SCEL: variants seen among roughly 807,000 people sequenced by gnomAD.
The protein encoded by SCEL is sciellin.
Under a neutral mutation model 117.6 loss-of-function variants are expected in SCEL, and 113 were observed. That is an observed-to-expected ratio of 0.96 (90% CI 0.83 to 1.12). The LOEUF is 1.12. Ranked by LOEUF, SCEL falls within the 50% of genes most tolerant of loss-of-function variation. SCEL has a pLI of 0.00. For synonymous variants in SCEL, 270 were observed against 256.2 expected, an observed-to-expected ratio of 1.05 and a Z score of -0.51; for missense variants, 785 against 810.8, an observed-to-expected ratio of 0.97 and a Z score of 0.39.
At chr13:77,575,177 A>G (rs2085868271) in intron 9 of SCEL, among the ~76,000 whole-genome samples, 1 of 152,222 alleles carries the variant, frequency 6.6e-6, no homozygotes, top group African/African-American at 2.4e-5. Flanking sequence ...AGTTCAGATT[A>G]AAAACTTGTG....
At chr13:77,539,292 A>G (rs945223931) in intron 1 of SCEL, among the ~76,000 whole-genome samples, 1 of 150,966 alleles carries the variant, frequency 6.6e-6, no homozygotes, top group Non-Finnish European at 1.5e-5. Context: ...TAATATACAT[A>G]GCATATTACA....
At chr13:77,579,529 T>C (rs1368912437) in intron 9 of SCEL, among the ~76,000 whole-genome samples, 2 of 152,234 alleles carry the variant, frequency 1.3e-5, no homozygotes, top group African/African-American at 2.4e-5. Context: ...CTCTTTCTTT[T>C]TCCAAAACAA....
At chr13:77,547,636 G>A (rs1807758872) in intron 1 of SCEL, among the ~76,000 whole-genome samples, 1 of 152,160 alleles carries the variant, frequency 6.6e-6, no homozygotes, top group African/African-American at 2.4e-5. Context: ...AGAAATTCCT[G>A]CAAAGAGCTC....
rs200111517 is a variant in SCEL, at chr13:77,559,835, C to A, written c.193C>A (p.Arg65=). Residue 65 remains arginine, a synonymous_variant, in exon 4 of 33, where the codon CGA becomes AGA. Coordinates refer to ENST00000349847, the MANE Select transcript of SCEL (RefSeq NM_144777.3). ...DENYGRVVLN[R]HNSHDALDRK... ...AAATTACGGTAGGGTGGTGCTCAACCGACATAATTCCCATGATGCATTGGA... is the reference window on the plus strand; with the variant it reads ...AAATTACGGTAGGGTGGTGCTCAACAGACATAATTCCCATGATGCATTGGA... The A allele has an allele frequency of 3.7e-6, 6 of 1,613,596 alleles. No individual in the cohort carries two copies. The highest frequency in any genetic ancestry group is 5.1e-6 in the Non-Finnish European group (6 of 1,179,784).
chr13:77,601,591 A>G (rs1019470910), intron 15 of SCEL, among the ~76,000 whole-genome samples: 6 of 152,214 alleles, frequency 3.9e-5, no homozygotes, highest in Admixed American at 3.3e-4. Context: ...TTTTGACTTT[A>G]CCAAGGTGAC....
intron 18 of SCEL, among the ~76,000 whole-genome samples, chr13:77,604,096 T>C (rs1026861157): frequency 6.6e-6 from 1 of 152,182 alleles, no homozygotes; most frequent in African/African-American, 2.4e-5. Context: ...GTTGATTTTG[T>C]TAAATAACAA....
At chr13:77,616,629 C>T (rs981660602) in intron 24 of SCEL, among the ~76,000 whole-genome samples, 1 of 151,808 alleles carries the variant, frequency 6.6e-6, no homozygotes, top group African/African-American at 2.4e-5. Flanking sequence ...CTAAATGAAG[C>T]CCTGAACATT....
chr13:77,596,729 G>T (rs531878619), intron 12 of SCEL, among the ~76,000 whole-genome samples: 2 of 148,474 alleles, frequency 1.3e-5, no homozygotes, highest in South Asian at 2.1e-4. Context: ...GTGTGGTCGG[G>T]GGTAGGTCAT....
intron 20 of SCEL, 57 bp downstream of exon 20, chr13:77,608,172 A>G: frequency 7.4e-7 from 1 of 1,357,806 alleles, no homozygotes; most frequent in African/African-American, 1.4e-5. Context: ...TGTGGCACTC[A>G]GGAAAGAAGA....
At chr13:77,552,431 T>G (rs2084388529) in intron 1 of SCEL, among the ~76,000 whole-genome samples, 1 of 152,068 alleles carries the variant, frequency 6.6e-6, no homozygotes, top group African/African-American at 2.4e-5. Flanking sequence ...TGATTTGCAT[T>G]TCTCTGATGG....
chr13:77,629,188 A>G (rs2154405858), intron 28 of SCEL, among the ~76,000 whole-genome samples: 1 of 152,308 alleles, frequency 6.6e-6, no homozygotes, highest in East Asian at 1.9e-4. Context: ...GCCGGGCCTC[A>G]GAGAGATTTC....
chr13:77,551,159 T>C (rs2065611860), intron 1 of SCEL, among the ~76,000 whole-genome samples: 1 of 152,164 alleles, frequency 6.6e-6, no homozygotes, highest in South Asian at 2.1e-4. Context: ...TTGCATCCTC[T>C]CTCTGAGCTC....
At chr13:77,554,754 T>C (rs1381955059) in intron 1 of SCEL, among the ~76,000 whole-genome samples, 1 of 152,182 alleles carries the variant, frequency 6.6e-6, no homozygotes, top group Non-Finnish European at 1.5e-5. Context: ...TTCTCAGACG[T>C]TGAACGTGAT....
At chr13:77,543,698 G>A (rs886760791) in intron 1 of SCEL, among the ~76,000 whole-genome samples, 10 of 152,112 alleles carry the variant, frequency 6.6e-5, no homozygotes, top group African/African-American at 2.4e-4. Context: ...CTTGGTATTT[G>A]GTTTTCTGTT....
At chr13:77,551,856 C>A (rs2084349513) in intron 1 of SCEL, among the ~76,000 whole-genome samples, 1 of 118,598 alleles carries the variant, frequency 8.4e-6, no homozygotes, top group South Asian at 3.5e-4. Context: ...CCCCCCACCC[C>A]ACAACAGTCC....
In SCEL at chr13:77,567,688, A is replaced by C. The variant is rs1180967473; in HGVS notation, c.299A>C (p.Asp100Ala). ...CTTGTTTCTTTATAAAGGATCTCAG[A>C]CAGAAATGATGCTGCTAAAACATAT... ...SSDDTLDRIS[D>A]RNDAAKTYKA... is the part of the protein sequence containing the mutation. The change falls in exon 6 of 33, where the codon GAC becomes GCC. Residue 100 changes from aspartate (D) to alanine (A), a missense_variant. Coordinates refer to ENST00000349847, the MANE Select transcript of SCEL (RefSeq NM_144777.3). 1 of 1,607,338 alleles carries C rather than the reference A, an allele frequency of 6.2e-7. No homozygotes were observed. Among genetic ancestry groups the C allele is most frequent in the South Asian group, 1.1e-5 (1 of 89,954 alleles).
intron 1 of SCEL, among the ~76,000 whole-genome samples, chr13:77,548,668 A>G (rs2084128672): frequency 6.6e-6 from 1 of 152,176 alleles, no homozygotes; most frequent in East Asian, 1.9e-4. Context: ...TTAATCATGG[A>G]GGCACGGTTT....
intron 13 of SCEL, among the ~76,000 whole-genome samples, chr13:77,597,995 T>C (rs1450321542): frequency 6.7e-6 from 1 of 150,226 alleles, no homozygotes; most frequent in Non-Finnish European, 1.5e-5. Flanking sequence ...AGAGTCTTAC[T>C]CTCTTACCCA....
chr13:77,609,948 T>C, intron 21 of SCEL, 99 bp from the exon 22 acceptor site: 1 of 618,744 alleles, frequency 1.6e-6, no homozygotes, highest in Admixed American at 4.2e-5. Flanking sequence ...TTTATTATTT[T>C]AATAAATATT....
Sources: gnomAD v4.1 joint callset for allele counts (sites outside exome capture counted in the v4.1 genomes callset) on GRCh38, gnomAD v4.1.1 for gene constraint, MANE v1.5 for transcripts, NCBI Gene and HGNC (gene_info 2026-07-23, HGNC 2026-07-21) for gene names.